The following RERE variants were observed in gnomAD, a reference collection of about 807,000 sequenced individuals.
RERE encodes the protein arginine-glutamic acid dipeptide repeats protein.
RERE carries 40 observed loss-of-function variants against 146.1 expected under a neutral mutation model. The observed-to-expected ratio is 0.27, with a 90% CI of 0.21 to 0.36. RERE has a LOEUF of 0.36. Among genes scored for constraint, RERE ranks in the 10% least tolerant of loss-of-function variants. The pLI is 1.00. For synonymous variants in RERE, 1,003 were observed against 866.0 expected (o/e 1.16, Z -2.78); for missense variants, 1,933 against 2,138.7 (o/e 0.90, Z 1.90).
intron 1 of RERE, among the ~76,000 whole-genome samples, chr1:8,788,518 C>T (rs1641301284): frequency 6.6e-6 from 1 of 152,070 alleles, no homozygotes; most frequent in Non-Finnish European, 1.5e-5. Context: ...ATGTGTGCCA[C>T]CACACCCAGC....
chr1:8,640,382 T>A (rs1380356826), intron 2 of RERE, among the ~76,000 whole-genome samples: 1 of 152,148 alleles, frequency 6.6e-6, no homozygotes, highest in Non-Finnish European at 1.5e-5. Context: ...GCCAGAACAA[T>A]GCCTGCAGCC....
intron 12 of RERE, among the ~76,000 whole-genome samples, chr1:8,385,420 A>G (rs1161312485): frequency 6.6e-6 from 1 of 152,168 alleles, no homozygotes; most frequent in African/African-American, 2.4e-5. Flanking sequence ...AGAAATCACA[A>G]CTGATCCAAG....
rs76967613 is a variant in RERE, at chr1:8,674,857, C to G, written c.-144-18416G>C. ...TAAGCATATACTGAAGAACTCTAGT[C>G]TCTAGTGACCCTTCAGCTCACCTGG... is the stretch of plus-strand genomic sequence containing the variant. On this transcript the variant is annotated intron_variant, in intron 1 of 22. Transcript: ENST00000400908. Among the ~76,000 whole-genome samples, 7 of 152,286 alleles carry G rather than the reference C, an allele frequency of 4.6e-5. 1 individual carries two copies. In the Middle Eastern group the frequency reaches 0.017, roughly 370 times the overall value.
chr1:8,590,355 CAA>C (rs1164056204), intron 4 of RERE, among the ~76,000 whole-genome samples: 1 of 152,030 alleles, frequency 6.6e-6, no homozygotes, highest in Non-Finnish European at 1.5e-5. Flanking sequence ...GCCATCAAAT[CAA>C]AAAGAGTCCA....
At chr1:8,387,922 C>T (rs914516131) in intron 12 of RERE, among the ~76,000 whole-genome samples, 28 of 152,140 alleles carry the variant, frequency 1.8e-4, no homozygotes, top group Admixed American at 4.6e-4. Context: ...CTAAAGAATT[C>T]GTGTGCATGT....
At chr1:8,656,914 G>A (rs1162450820) in intron 1 of RERE, among the ~76,000 whole-genome samples, 1 of 152,072 alleles carries the variant, frequency 6.6e-6, no homozygotes, top group East Asian at 1.9e-4. Context: ...AGGAGTTCAA[G>A]ACCAACCCTG....
intron 11 of RERE, among the ~76,000 whole-genome samples, chr1:8,435,574 C>T (rs1204970489): frequency 2.0e-5 from 3 of 152,218 alleles, no homozygotes; most frequent in South Asian, 2.1e-4. Context: ...CCATCCCCTC[C>T]GTGATGCCAG....
chr1:8,615,927 GCAGT>G (rs1557436908), intron 3 of RERE, among the ~76,000 whole-genome samples: 1 of 152,070 alleles, frequency 6.6e-6, no homozygotes, highest in African/African-American at 2.4e-5. Flanking sequence ...AAATTTCTGT[GCAGT>G]CAGTCTCTGA....
intron 4 of RERE, among the ~76,000 whole-genome samples, chr1:8,597,813 T>C (rs1646573986): frequency 6.6e-6 from 1 of 152,036 alleles, no homozygotes; most frequent in Non-Finnish European, 1.5e-5. Flanking sequence ...TCAATCCTGT[T>C]GACAGTTTTC....
At chr1:8,400,812 T>C (rs1300272574) in intron 12 of RERE, among the ~76,000 whole-genome samples, 7 of 98,684 alleles carry the variant, frequency 7.1e-5, no homozygotes, top group African/African-American at 2.8e-4. Context: ...AAGACCACCC[T>C]GGGTAACATG....
At chr1:8,386,951 C>A (rs970352380) in intron 12 of RERE, among the ~76,000 whole-genome samples, 1 of 152,170 alleles carries the variant, frequency 6.6e-6, no homozygotes, top group Non-Finnish European at 1.5e-5. Flanking sequence ...AACACTATCT[C>A]ATTCAAAATC....
chr1:8,370,454 GTACT>G (rs1641994007), intron 12 of RERE, among the ~76,000 whole-genome samples: 1 of 152,238 alleles, frequency 6.6e-6, no homozygotes, highest in African/African-American at 2.4e-5. Context: ...ATGAAACTGT[GTACT>G]TAAAGTGGGT....
intron 1 of RERE, among the ~76,000 whole-genome samples, chr1:8,763,621 C>T (rs563305865): frequency 6.6e-6 from 1 of 151,754 alleles, no homozygotes; most frequent in South Asian, 2.1e-4. Context: ...GGCGACAGAG[C>T]TAGACTCCGT....
At chr1:8,653,694 CAAAA>C (rs775354970) in intron 2 of RERE, among the ~76,000 whole-genome samples, 148 of 45,894 alleles carry the variant, frequency 3.2e-3, no homozygotes, top group African/African-American at 0.01. Flanking sequence ...GACTCCACCT[CAAAA>C]AAAAAAAAAA....
At chr1:8,441,756 T>TA (rs1235553486) in intron 11 of RERE, among the ~76,000 whole-genome samples, 3 of 152,146 alleles carry the variant, frequency 2.0e-5, no homozygotes, top group Admixed American at 2.0e-4. Context: ...CTTACGTGTT[T>TA]AAAAAAACCA....
rs376001175 is a variant in RERE at position 8,359,744 on chromosome 1, C to G, written c.3618+20G>C. On this transcript the variant is annotated intron_variant, in intron 19 of 22. Transcript: ENST00000400908. ...GATGGACCAGCGCCCCCCGTCACAC[C>G]TCGCCAACCCTGGACTCACAGCCGC... The G allele has an allele frequency of 6.3e-7, 1 of 1,597,734 alleles. No homozygotes were observed. Among genetic ancestry groups the G allele is most frequent in the Non-Finnish European group, 8.5e-7 (1 of 1,179,064 alleles).
intron 1 of RERE, among the ~76,000 whole-genome samples, chr1:8,726,574 T>C (rs1287581002): frequency 6.6e-6 from 1 of 152,178 alleles, no homozygotes; most frequent in East Asian, 1.9e-4. Context: ...TTTCCAAAAC[T>C]CACATTTCTA....
intron 4 of RERE, among the ~76,000 whole-genome samples, chr1:8,561,630 T>A (rs1409874865): frequency 2.6e-5 from 4 of 152,178 alleles, no homozygotes; most frequent in African/African-American, 7.2e-5. Flanking sequence ...TGTGGGAGAA[T>A]CTCTAATTTT....
At chr1:8,471,055 T>TC (rs1277872174) in intron 10 of RERE, among the ~76,000 whole-genome samples, 7 of 151,212 alleles carry the variant, frequency 4.6e-5, no homozygotes, top group African/African-American at 1.2e-4. Flanking sequence ...GACCTCATGA[T>TC]CCCCCCCTGC....
Sources: allele counts gnomAD v4.1 joint callset (sites outside exome capture counted in the v4.1 genomes callset), GRCh38; gene constraint gnomAD v4.1.1; transcripts MANE v1.5; gene names NCBI Gene and HGNC (gene_info 2026-07-23, HGNC 2026-07-21).